The following FBXW8 variants were observed in gnomAD, a reference collection of about 807,000 sequenced individuals.
FBXW8 encodes F-box and WD repeat domain containing 8.
In FBXW8, 57 loss-of-function variants were observed where a neutral mutation model predicts 65.3. The ratio of observed to expected loss-of-function variants is 0.87; its 90% CI spans 0.71 to 1.09. The LOEUF (loss-of-function observed/expected upper bound fraction) is 1.09. FBXW8 is among the 50% of genes least tolerant of loss of function. FBXW8 has a pLI of 0.00. For synonymous variants in FBXW8, 308 were observed against 330.2 expected (o/e 0.93, Z 0.73); for missense variants, 777 against 814.8 (o/e 0.95, Z 0.57).
intron 5 of FBXW8, among the ~76,000 whole-genome samples, chr12:116,975,137 A>G (rs975950416): frequency 6.6e-6 from 1 of 152,220 alleles, no homozygotes; most frequent in Non-Finnish European, 1.5e-5. Flanking sequence ...ATGGGAAAGG[A>G]TGATGAAAAT....
intron 2 of FBXW8, among the ~76,000 whole-genome samples, chr12:116,930,232 A>T (rs1881663305): frequency 6.6e-6 from 1 of 152,216 alleles, no homozygotes; most frequent in South Asian, 2.1e-4. Context: ...TATTTTTAAT[A>T]TTCTAAGGAA....
At chr12:116,922,096 T>A (rs1358783143) in intron 1 of FBXW8, among the ~76,000 whole-genome samples, 1 of 152,090 alleles carries the variant, frequency 6.6e-6, no homozygotes, top group East Asian at 1.9e-4. Context: ...ACCCAAAGTG[T>A]TGGGATTACA....
intron 4 of FBXW8, among the ~76,000 whole-genome samples, chr12:116,963,493 A>G (rs868706795): frequency 1.4e-4 from 21 of 152,284 alleles, no homozygotes; most frequent in Middle Eastern, 3.4e-3. Flanking sequence ...AATCCCAGCT[A>G]CTTGGGAGGC....
At chr12:116,947,956 A>G (rs1351238467) in intron 3 of FBXW8, among the ~76,000 whole-genome samples, 1 of 152,158 alleles carries the variant, frequency 6.6e-6, no homozygotes, top group African/African-American at 2.4e-5. Flanking sequence ...GTAGGAGAGC[A>G]TAGGCCTCTG....
At position 117,030,156 on chromosome 12, in the gene FBXW8, G is replaced by A. The variant is rs375898221; in HGVS notation, c.*1984G>A. ...CTTCACGTCATGAAGGTTCTGGAAG[G>A]TTTTTCAGATTGCTTAAGATACGCA... is the stretch of plus-strand genomic sequence containing the variant. On this transcript the variant is annotated 3_prime_UTR_variant, in exon 11 of 11. Transcript: ENST00000652555. The A allele has an allele frequency of 6.6e-6, 1 of 152,110 alleles. No homozygotes were observed. Among genetic ancestry groups the A allele is most frequent in the East Asian group, 1.9e-4 (1 of 5,182 alleles). 9.4% of individuals were successfully genotyped at this position (152,110 alleles called of 1,614,324 possible).
intron 7 of FBXW8, among the ~76,000 whole-genome samples, chr12:116,999,528 G>A (rs1479821371): frequency 1.3e-5 from 2 of 152,080 alleles, no homozygotes; most frequent in Non-Finnish European, 1.5e-5. Flanking sequence ...ATCCCTCCCC[G>A]AGCGCATTTC....
intron 2 of FBXW8, among the ~76,000 whole-genome samples, chr12:116,939,253 G>A (rs1356437791): frequency 6.6e-6 from 1 of 152,164 alleles, no homozygotes; most frequent in African/African-American, 2.4e-5. Context: ...GAGCATTTTG[G>A]ATTTTGGATT....
At chr12:116,914,674 G>A (rs1033538052) in intron 1 of FBXW8, among the ~76,000 whole-genome samples, 5 of 151,356 alleles carry the variant, frequency 3.3e-5, no homozygotes, top group African/African-American at 4.9e-5. Flanking sequence ...TCAGGAGTTC[G>A]AGACCAGCCT....
chr12:117,012,836 C>T (rs1953858745), intron 8 of FBXW8, among the ~76,000 whole-genome samples: 1 of 152,102 alleles, frequency 6.6e-6, no homozygotes, highest in Admixed American at 6.5e-5. Flanking sequence ...ATGAGATGAA[C>T]TCTAAAGGTA....
intron 1 of FBXW8, among the ~76,000 whole-genome samples, chr12:116,918,028 C>T (rs1027122794): frequency 6.6e-6 from 1 of 151,900 alleles, no homozygotes; most frequent in Non-Finnish European, 1.5e-5. Flanking sequence ...ACGCAGGACT[C>T]CTCCCAAGCC....
At chr12:116,960,156 TG>T (rs1400841857) in intron 4 of FBXW8, among the ~76,000 whole-genome samples, 1 of 152,262 alleles carries the variant, frequency 6.6e-6, no homozygotes, top group Non-Finnish European at 1.5e-5. Context: ...CTGTTCTTGC[TG>T]CTCCTGGCCA....
intron 2 of FBXW8, among the ~76,000 whole-genome samples, chr12:116,940,779 A>G (rs1882513671): frequency 6.6e-6 from 1 of 152,176 alleles, no homozygotes; most frequent in Admixed American, 6.5e-5. Context: ...GGCTACAAGT[A>G]AAGCAGAAAA....
chr12:117,001,543 T>C (rs1953520108), intron 7 of FBXW8, among the ~76,000 whole-genome samples: 1 of 152,228 alleles, frequency 6.6e-6, no homozygotes, highest in Admixed American at 6.5e-5. Context: ...ATTTTCAAAA[T>C]AGTATGCAAG....
At chr12:116,991,915 GTT>G (rs1439025463) in intron 7 of FBXW8, among the ~76,000 whole-genome samples, 2 of 152,188 alleles carry the variant, frequency 1.3e-5, no homozygotes, top group Admixed American at 6.5e-5. Context: ...ACATTAGCAT[GTT>G]ACAGGCACCT....
chr12:116,975,933 G>C (rs1431519280), intron 5 of FBXW8, among the ~76,000 whole-genome samples: 1 of 152,154 alleles, frequency 6.6e-6, no homozygotes, highest in Non-Finnish European at 1.5e-5. Context: ...GCTGGTAAGA[G>C]GACAGGTTAA....
Position 116,993,898 on chromosome 12 carries a change from T to G in FBXW8, c.1239+5029T>G, listed in dbSNP as rs11068280. On this transcript the variant is annotated intron_variant, in intron 7 of 10. Transcript: ENST00000652555. ...GTCTTAGATTTAAGTCTTGGTTAAT[T>G]TTTATATATGGTGAGAGAAAGGGAT... 0.015 allele frequency among the ~76,000 whole-genome samples: 2,323 copies of G among 152,340 alleles called. 111 individuals carry two copies. The East Asian group carries it at 0.19, about 13-fold the overall frequency.
intron 1 of FBXW8, among the ~76,000 whole-genome samples, chr12:116,921,822 C>CTTTTT (rs11449832): frequency 9.1e-5 from 9 of 99,318 alleles, no homozygotes; most frequent in East Asian, 2.9e-4. Flanking sequence ...GTATTTCTGA[C>CTTTTT]TTTTTTTTTT....
chr12:117,012,791 C>T (rs1303783796), intron 8 of FBXW8, among the ~76,000 whole-genome samples: 1 of 152,190 alleles, frequency 6.6e-6, no homozygotes, highest in Non-Finnish European at 1.5e-5. Context: ...TTAATTCCCA[C>T]TGCATTCTCT....
At chr12:117,027,590 C>A (rs1565949369) in intron 10 of FBXW8, 86 bp downstream of exon 10, 4 of 1,032,784 alleles carry the variant, frequency 3.9e-6, no homozygotes, top group Non-Finnish European at 4.5e-6. Flanking sequence ...ACACATTGCA[C>A]CCTATGGGCT....
Sources: gnomAD v4.1 joint callset for allele counts (sites outside exome capture counted in the v4.1 genomes callset) on GRCh38, gnomAD v4.1.1 for gene constraint, MANE v1.5 for transcripts, NCBI Gene and HGNC (gene_info 2026-07-23, HGNC 2026-07-21) for gene names.